Variants in IRAG2 observed in about 807,000 individuals in gnomAD.
The protein encoded by IRAG2 is lymphoid restricted membrane protein.
IRAG2 carries 45 observed loss-of-function variants against 69.9 expected under a neutral mutation model. The ratio of observed to expected loss-of-function variants is 0.64; its 90% CI spans 0.51 to 0.83. The LOEUF is 0.83. Ranked by LOEUF, IRAG2 falls within the 40% of genes least tolerant of loss-of-function variation. The probability of loss-of-function intolerance (pLI) is 0.00; values close to 1 mark genes in which losing one functional copy is unlikely to be tolerated. For missense variants in IRAG2, 520 were observed against 587.0 expected, an observed-to-expected ratio of 0.89 and a Z score of 1.18; for synonymous variants, 193 against 202.4, an observed-to-expected ratio of 0.95 and a Z score of 0.40.
At chr12:25,057,415 T>G (rs1321729110) in intron 1 of IRAG2, among the ~76,000 whole-genome samples, 2 of 151,790 alleles carry the variant, frequency 1.3e-5, no homozygotes, top group African/African-American at 4.8e-5. Context: ...AGCACCACTA[T>G]GCCTGGCTAA....
intron 6 of IRAG2, among the ~76,000 whole-genome samples, chr12:25,020,268 CA>C (rs990387889): frequency 1.3e-5 from 2 of 152,006 alleles, no homozygotes; most frequent in African/African-American, 4.8e-5. Flanking sequence ...TTGTTATAAT[CA>C]ACAGTATGAT....
intron 6 of IRAG2, among the ~76,000 whole-genome samples, chr12:25,077,255 TA>T (rs1946789001): frequency 3.0e-5 from 1 of 32,872 alleles, no homozygotes. Context: ...ATATATATGA[TA>T]TATATATGAA....
intron 16 of IRAG2, among the ~76,000 whole-genome samples, chr12:25,044,675 G>A (rs1306473897): frequency 6.6e-6 from 1 of 152,044 alleles, no homozygotes; most frequent in Non-Finnish European, 1.5e-5. Context: ...AAGAGACAAA[G>A]AAGGACATTA....
At chr12:25,051,739 G>C (rs1012074656), upstream of IRAG2, among the ~76,000 whole-genome samples, 1 of 152,192 alleles carries the variant, frequency 6.6e-6, no homozygotes, top group Admixed American at 6.5e-5. Flanking sequence ...CTCGTGGCAC[G>C]TGTTTATACT....
upstream of IRAG2, among the ~76,000 whole-genome samples, chr12:25,048,748 C>A (rs1221258228): frequency 1.3e-5 from 2 of 152,188 alleles, no homozygotes; most frequent in Non-Finnish European, 2.9e-5. Context: ...TTTTGCTGTG[C>A]AGAAACTCTT....
intron 1 of IRAG2, among the ~76,000 whole-genome samples, chr12:25,054,241 A>C (rs143885693): frequency 6.6e-6 from 1 of 152,178 alleles, no homozygotes; most frequent in African/African-American, 2.4e-5. Context: ...TTATTTTACT[A>C]CTGCTCAGAG....
chr12:25,061,156 T>G (rs1196752299), intron 1 of IRAG2, among the ~76,000 whole-genome samples: 1 of 152,194 alleles, frequency 6.6e-6, no homozygotes, highest in East Asian at 1.9e-4. Flanking sequence ...ATTTTCCCTT[T>G]CCTTTTCTTG....
intron 6 of IRAG2, chr12:25,076,531 A>C (rs946921011): frequency 1.0e-6 from 1 of 985,094 alleles, no homozygotes; most frequent in Non-Finnish European, 1.2e-6. Flanking sequence ...AGGTTTGCAG[A>C]AATGATGTAC....
At chr12:25,105,181 A>G (rs143005882) in intron 20 of IRAG2, among the ~76,000 whole-genome samples, 17,382 of 145,934 alleles carry the variant, frequency 0.12, 1,340 homozygotes, top group Admixed American at 0.17. Context: ...GGTTCACGCC[A>G]TTCTCCTGGC....
upstream of IRAG2, chr12:25,004,227 G>C: frequency 1.4e-6 from 1 of 690,910 alleles, no homozygotes; most frequent in Non-Finnish European, 2.0e-6. Flanking sequence ...AAGTTGATTT[G>C]GGAATAAATT....
intron 13 of IRAG2, among the ~76,000 whole-genome samples, chr12:25,035,142 A>C (rs946915095): frequency 6.6e-6 from 1 of 152,238 alleles, no homozygotes; most frequent in Non-Finnish European, 1.5e-5. Flanking sequence ...ATCTCAAAGT[A>C]AGAGTCCTGT....
At chr12:25,026,953 C>T (rs1944626706) in intron 9 of IRAG2, 1 of 586,978 alleles carries the variant, frequency 1.7e-6, no homozygotes, top group Non-Finnish European at 2.5e-6. Context: ...CATTGACAAA[C>T]TAAACTTTGG....
chr12:25,018,193 C>T (rs202182066), intron 6 of IRAG2, among the ~76,000 whole-genome samples: 7 of 105,510 alleles, frequency 6.6e-5, no homozygotes, highest in Non-Finnish European at 7.2e-5. Context: ...TTTCTTTCTT[C>T]TTTTTTTTTT....
At chr12:25,082,677 A>G (rs1947307125) in intron 9 of IRAG2, among the ~76,000 whole-genome samples, 1 of 152,170 alleles carries the variant, frequency 6.6e-6, no homozygotes, top group African/African-American at 2.4e-5. Context: ...TAAGGAAAAA[A>G]TTGTATAGCT....
chr12:25,004,510 T>A, exon 1 of IRAG2: 1 of 1,232,088 alleles, frequency 8.1e-7, no homozygotes, highest in East Asian at 3.2e-5. Flanking sequence ...CAAGAAATAT[T>A]TTGAAGAGGT....
At chr12:25,015,382 T>C (rs1944519056) in exon 5 of IRAG2, 14 of 1,231,874 alleles carry the variant, frequency 1.1e-5, no homozygotes, top group Admixed American at 8.4e-5. Context: ...AGATTCTACA[T>C]TGGGGAGCTT....
chr12:25,001,367 C>T (rs537718639), upstream of IRAG2, among the ~76,000 whole-genome samples: 25 of 151,980 alleles, frequency 1.6e-4, no homozygotes, highest in Non-Finnish European at 3.4e-4. Context: ...ATTGCTTGAG[C>T]CTGGGGAGTT....
rs959145007 is a variant in IRAG2, at chr12:25,080,144, C to T, written c.244+381C>T. ...CTAGTTCGAATTTATCAGGTTAGAA[C>T]GATGGAGCAATTAGCAATGGTCCAC... On this transcript the variant is annotated intron_variant, in intron 9 of 21. Transcript: ENST00000556887. Among the ~76,000 whole-genome samples, 4 of 152,054 alleles carry T rather than the reference C, an allele frequency of 2.6e-5. 1 individual carries two copies. The highest frequency in any genetic ancestry group is 1.3e-4 in the Admixed American group (2 of 15,264).
In IRAG2 at chr12:25,100,000, G is replaced by GAAAAAAA. The variant is rs56728551; in HGVS notation, c.742-1159_742-1153dup. Among the ~76,000 whole-genome samples the GAAAAAAA allele has an allele frequency of 9.7e-4, 25 of 25,672 alleles. 5 individuals are homozygous for GAAAAAAA. Among genetic ancestry groups the GAAAAAAA allele is most frequent in the Admixed American group, 1.8e-3 (3 of 1,698 alleles). The allele number at this position is 25,672 out of a possible 152,430, so 16.8% of individuals were successfully genotyped here. A position where few individuals can be genotyped will look rare whatever the true frequency, so the allele number is the denominator to read the frequency against. ...GGGCAACAAGAGTGAGACTCCATCTGAAAAAAAAAAAAAAAAAAAAAAAAA... is the reference window on the plus strand; with the variant it reads ...GGGCAACAAGAGTGAGACTCCATCTGAAAAAAAAAAAAAAAAAAAAAAAAAAAAAAAA... On this transcript the variant is annotated intron_variant, in intron 15 of 21. Coordinates refer to ENST00000556887, the MANE Select transcript of IRAG2 (RefSeq NM_001366544.2).
Sources: gnomAD v4.1 joint callset for allele counts (sites outside exome capture counted in the v4.1 genomes callset) on GRCh38, gnomAD v4.1.1 for gene constraint, MANE v1.5 for transcripts, NCBI Gene and HGNC (gene_info 2026-07-23, HGNC 2026-07-21) for gene names.